The following KPNB1 variants were observed in gnomAD, a reference collection of about 807,000 sequenced individuals.
KPNB1 encodes importin subunit beta-1.
Under a neutral mutation model 113.0 loss-of-function variants are expected in KPNB1, and 7 were observed. The observed-to-expected ratio is 0.06, with a 90% CI of 0.04 to 0.12. KPNB1 has a LOEUF of 0.12. Ranked by LOEUF, KPNB1 falls within the 10% of genes least tolerant of loss-of-function variation. The pLI is 1.00. For synonymous variants in KPNB1, 363 were observed against 378.6 expected, an observed-to-expected ratio of 0.96 and a Z score of 0.48; for missense variants, 400 against 1,054.8, an observed-to-expected ratio of 0.38 and a Z score of 8.60.
intron 2 of KPNB1, 56 bp downstream of exon 2, chr17:47,650,500 G>C: frequency 2.0e-6 from 3 of 1,523,892 alleles, no homozygotes; most frequent in Non-Finnish European, 1.8e-6. Flanking sequence ...TGCGTGCGGG[G>C]CCTTCCCGCC....
chr17:47,682,128 C>T (rs2143190214), intron 21 of KPNB1, among the ~76,000 whole-genome samples: 1 of 152,340 alleles, frequency 6.6e-6, no homozygotes, highest in African/African-American at 2.4e-5. Context: ...TGCACCCAGA[C>T]TGAAATACAG....
Position 47,685,055 on chromosome 17 carries a change from A to G in KPNB1, c.*2651A>G, listed in dbSNP as rs2030902555. The G allele has an allele frequency of 6.6e-6, 1 of 152,212 alleles. No individual in the cohort carries two copies. Among genetic ancestry groups the G allele is most frequent in the African/African-American group, 2.4e-5 (1 of 41,462 alleles). The allele number at this position is 152,212 out of a possible 1,614,324, so 9.4% of individuals were successfully genotyped here. A position where few individuals can be genotyped will look rare whatever the true frequency, so the allele number is the denominator to read the frequency against. ...ATGTGAAGATAATGGGCATCGGACT[A>G]GGCTTTGGTTTGCCACAAGTGGCAG... On this transcript the variant is annotated 3_prime_UTR_variant, in exon 22 of 22. Coordinates refer to ENST00000290158, the MANE Select transcript of KPNB1 (RefSeq NM_002265.6).
chr17:47,667,870 T>C (rs960837434), intron 9 of KPNB1, among the ~76,000 whole-genome samples: 2 of 152,228 alleles, frequency 1.3e-5, no homozygotes, highest in African/African-American at 2.4e-5. Context: ...TTTTGGACTT[T>C]ACATAACTGG....
At chr17:47,653,271 ATTTTTTT>A (rs3067142) in intron 3 of KPNB1, among the ~76,000 whole-genome samples, 4 of 109,866 alleles carry the variant, frequency 3.6e-5, no homozygotes, top group South Asian at 5.6e-4. Flanking sequence ...AGCTCAGGGA[ATTTTTTT>A]TTTTTTTTTT....
At chr17:47,655,514 C>T (rs1266359491) in intron 3 of KPNB1, among the ~76,000 whole-genome samples, 1 of 152,198 alleles carries the variant, frequency 6.6e-6, no homozygotes, top group Non-Finnish European at 1.5e-5. Context: ...GATGTTGTTA[C>T]TTGACCAAGG....
rs369254201 is a variant in KPNB1 at position 47,673,480 on chromosome 17, T to G, written c.1696-10T>G. On this transcript the variant is annotated splice_polypyrimidine_tract_variant and intron_variant, in intron 13 of 21. Coordinates refer to ENST00000290158, the MANE Select transcript of KPNB1 (RefSeq NM_002265.6). ...TTCATGTAGAGTATGTTTTCTTATT[T>G]TCTTTGTAGTCACATATCCAGAGCA... 1.2e-6 allele frequency: 2 copies of G among 1,608,264 alleles called. No homozygotes were observed. Among genetic ancestry groups the G allele is most frequent in the Non-Finnish European group, 1.7e-6 (2 of 1,174,852 alleles).
intron 19 of KPNB1, chr17:47,678,695 C>A (rs2030685861): frequency 2.9e-6 from 1 of 345,298 alleles, no homozygotes; most frequent in South Asian, 3.1e-5. Context: ...GCAACCTCCA[C>A]CTCCCAGGTT....
rs2030568124 is a variant in KPNB1 at position 47,675,361 on chromosome 17, G to GTTTTTGT, written c.1912+584_1912+585insGTTTTTT. The stretch of plus-strand genomic sequence containing the variant: ...TGCAACGGAGATTGGCAGAGGTGTT[G>GTTTTTGT]TTTTTTTTTTGTTTTTTTTTTTTGT... On this transcript the variant is annotated intron_variant, in intron 15 of 21. Coordinates refer to ENST00000290158, the MANE Select transcript of KPNB1 (RefSeq NM_002265.6). Among the ~76,000 whole-genome samples the GTTTTTGT allele has an allele frequency of 6.5e-4, 58 of 88,684 alleles. 5 individuals carry two copies. The highest frequency in any genetic ancestry group is 1.4e-3 in the African/African-American group (31 of 21,560). The allele number at this position is 88,684 out of a possible 152,430, so 58.2% of individuals were successfully genotyped here.
chr17:47,677,094 C>T lies in KPNB1; in HGVS notation c.2070C>T (p.Asp690=), dbSNP rs371651425. 1.5e-5 allele frequency: 24 copies of T among 1,613,692 alleles called. No individual in the cohort carries two copies. Among genetic ancestry groups the T allele is most frequent in the Middle Eastern group, 3.3e-4 (2 of 6,080 alleles). ...AATCCAACATCATACCTTTCTGTGA[C>T]GAGGTGATGCAGCTGCTTCTGGAAA... is the stretch of plus-strand genomic sequence containing the variant. The part of the protein sequence containing the change: ...ALQSNIIPFC[D]EVMQLLLENL... The change falls in exon 17 of 22, where the codon GAC becomes GAT. Residue 690 remains aspartate (D), a synonymous_variant. Coordinates refer to ENST00000290158, the MANE Select transcript of KPNB1 (RefSeq NM_002265.6).
intron 6 of KPNB1, 76 bp from the exon 7 acceptor site, chr17:47,663,013 G>T: frequency 1.2e-6 from 1 of 803,276 alleles, no homozygotes; most frequent in Non-Finnish European, 2.3e-6. Flanking sequence ...AGGATTATTG[G>T]CCCATTTGAG....
At chr17:47,664,130 T>A (rs754178419) in intron 7 of KPNB1, 29 bp from the exon 8 acceptor site, 51 of 1,457,576 alleles carry the variant, frequency 3.5e-5, no homozygotes, top group Non-Finnish European at 4.9e-5. Flanking sequence ...CAGTACTTAT[T>A]TGGGGCCTGG....
Position 47,680,103 on chromosome 17 carries a change from G to A in KPNB1, c.2437G>A (p.Gly813Arg). The change falls in exon 20 of 22, where the codon GGA becomes AGA. Residue 813 changes from glycine (G) to arginine (R), a missense_variant. Physicochemically the swap from Gly to Arg is moderately radical, Grantham distance 125 (BLOSUM62 -2). Coordinates refer to ENST00000290158, the MANE Select transcript of KPNB1 (RefSeq NM_002265.6). ...TGCTGGAGATGAGGATCACACAGATGGAGTAGTAGCTTGTGCTGCTGGACT... is the reference window on the plus strand; with the variant it reads ...TGCTGGAGATGAGGATCACACAGATAGAGTAGTAGCTTGTGCTGCTGGACT... ...HIAGDEDHTD[G>R]VVACAAGLIG... 1 of 1,613,006 alleles carries A rather than the reference G, an allele frequency of 6.2e-7. No homozygotes were observed. Among genetic ancestry groups the A allele is most frequent in the Non-Finnish European group, 8.5e-7 (1 of 1,178,940 alleles).
At chr17:47,656,247 G>A (rs2029900360) in intron 3 of KPNB1, among the ~76,000 whole-genome samples, 2 of 134,430 alleles carry the variant, frequency 1.5e-5, no homozygotes, top group South Asian at 2.7e-4. Flanking sequence ...GGACACGAGC[G>A]AGACTTTGTC....
chr17:47,650,167 C>A lies in KPNB1; in HGVS notation c.-78C>A. 6.9e-7 allele frequency: 1 copy of A among 1,454,902 alleles called. No individual in the cohort carries two copies. Among genetic ancestry groups the A allele is most frequent in the Non-Finnish European group, 9.0e-7 (1 of 1,112,438 alleles). The allele number at this position is 1,454,902 out of a possible 1,614,324, so 90.1% of individuals were successfully genotyped here. A position where few individuals can be genotyped will look rare whatever the true frequency, so the allele number is the denominator to read the frequency against. On this transcript the variant is annotated 5_prime_UTR_variant, in exon 1 of 22. Transcript: ENST00000290158. ...CTCCCTTCCCACCCGACCCCCAACC[C>A]CCATCCCCAGTTCGAGCCGCCGCCC... is the stretch of plus-strand genomic sequence containing the variant.
At chr17:47,670,876 G>C in intron 12 of KPNB1, 44 bp downstream of exon 12, 1 of 1,550,250 alleles carries the variant, frequency 6.5e-7, no homozygotes, top group Non-Finnish European at 8.9e-7. Context: ...TTGCATCCAA[G>C]TTCTATTGCC....
Position 47,650,301 on chromosome 17 carries a change from G to A in KPNB1, c.40+17G>A. On this transcript the variant is annotated intron_variant, in intron 1 of 21. Transcript: ENST00000290158. The stretch of plus-strand genomic sequence containing the variant: ...TGTCTCCCGGTAGGACGCAGGAGCC[G>A]GGGGTAGGGCTGAGGTGATTGGGGT... The A allele has an allele frequency of 1.2e-6, 2 of 1,605,464 alleles. No homozygotes were observed. The highest frequency in any genetic ancestry group is 1.7e-6 in the Non-Finnish European group (2 of 1,175,606).
Position 47,650,015 on chromosome 17 carries a change from C to G in KPNB1, c.-230C>G. The G allele has an allele frequency of 7.3e-7, 1 of 1,370,618 alleles. No homozygotes were observed. The highest frequency in any genetic ancestry group is 9.4e-7 in the Non-Finnish European group (1 of 1,068,212). The allele number at this position is 1,370,618 out of a possible 1,614,324, so 84.9% of individuals were successfully genotyped here. A position where few individuals can be genotyped will look rare whatever the true frequency, so the allele number is the denominator to read the frequency against. ...GCGCTCTGAGCTGCCCCCAGGGTCCCTCCCCCGCCGCCAGCAGCCCATTTG... is the reference window on the plus strand; with the variant it reads ...GCGCTCTGAGCTGCCCCCAGGGTCCGTCCCCCGCCGCCAGCAGCCCATTTG... On this transcript the variant is annotated 5_prime_UTR_variant, in exon 1 of 22. Coordinates refer to ENST00000290158, the MANE Select transcript of KPNB1 (RefSeq NM_002265.6).
At chr17:47,661,006 C>A in intron 5 of KPNB1, 113 bp from the exon 6 acceptor site, 3 of 764,896 alleles carry the variant, frequency 3.9e-6, no homozygotes, top group Admixed American at 2.0e-5. Flanking sequence ...CCAGGCAGGG[C>A]TGTGTGGGGC....
rs1426894153 is a variant in KPNB1, at chr17:47,658,249, C to G, written c.484-259C>G. Among the ~76,000 whole-genome samples, 3 of 152,182 alleles carry G rather than the reference C, an allele frequency of 2.0e-5. No homozygotes were observed. In the South Asian group the frequency reaches 6.2e-4, roughly 32 times the overall value. ...TGCATATAACCTATGCACATCCTCCCATATACTTTAAATCATCTCTAGAAT... is the reference window on the plus strand; with the variant it reads ...TGCATATAACCTATGCACATCCTCCGATATACTTTAAATCATCTCTAGAAT... On this transcript the variant is annotated intron_variant, in intron 4 of 21. Coordinates refer to ENST00000290158, the MANE Select transcript of KPNB1 (RefSeq NM_002265.6).
Sources: gnomAD v4.1 joint callset for allele counts (sites outside exome capture counted in the v4.1 genomes callset) on GRCh38, gnomAD v4.1.1 for gene constraint, MANE v1.5 for transcripts, NCBI Gene and HGNC (gene_info 2026-07-23, HGNC 2026-07-21) for gene names.